GRAMD4: variants seen among roughly 807,000 people sequenced by gnomAD.
The protein encoded by GRAMD4 is GRAM domain-containing protein 4.
GRAMD4 carries 25 observed loss-of-function variants against 83.9 expected under a neutral mutation model. That is an observed-to-expected ratio of 0.30 (90% CI 0.22 to 0.42). GRAMD4 has a LOEUF of 0.42. GRAMD4 is among the 10% of genes least tolerant of loss of function. The pLI, the probability that GRAMD4 is intolerant of heterozygous loss-of-function variation, is 1.00. For missense variants in GRAMD4, 593 were observed against 788.7 expected, an observed-to-expected ratio of 0.75 and a Z score of 2.97; for synonymous variants, 336 against 320.9, an observed-to-expected ratio of 1.05 and a Z score of -0.50.
chr22:46,660,749 C>A (rs1229758267), intron 4 of GRAMD4, among the ~76,000 whole-genome samples: 1 of 152,218 alleles, frequency 6.6e-6, no homozygotes, highest in African/African-American at 2.4e-5. Flanking sequence ...CTGTTCTCTT[C>A]TCAGGGTTTA....
At chr22:46,644,697 G>GTTTTTT (rs71192437) in intron 3 of GRAMD4, among the ~76,000 whole-genome samples, 1 of 97,338 alleles carries the variant, frequency 1.0e-5, no homozygotes, top group Non-Finnish European at 2.0e-5. Context: ...CTTGTTCCCT[G>GTTTTTT]TTTTTTTTTT....
intron 3 of GRAMD4, among the ~76,000 whole-genome samples, chr22:46,644,784 G>A (rs2082048687): frequency 6.9e-6 from 1 of 144,494 alleles, no homozygotes; most frequent in African/African-American, 2.6e-5. Context: ...TGAGGCCGGA[G>A]TGCAGTAGCA....
intron 1 of GRAMD4, among the ~76,000 whole-genome samples, chr22:46,582,368 T>C (rs2081106702): frequency 6.6e-6 from 1 of 151,648 alleles, no homozygotes; most frequent in African/African-American, 2.4e-5. Context: ...CGGCTCAGCC[T>C]CTCTTGGTGG....
intron 1 of GRAMD4, chr22:46,577,417 C>CCGCCGCCGCCGCCT (rs2081053279): frequency 6.7e-5 from 3 of 44,762 alleles, no homozygotes; most frequent in African/African-American, 1.0e-4. Context: ...CGCCGCCGCC[C>CCGCCGCCGCCGCCT]GGGCCCGAGC....
rs371082804 is a variant in GRAMD4 at position 46,581,594 on chromosome 22, T to C, written c.-50+4304T>C. Reference sequence around the variant, plus strand: ...TCTCTTTTTGCTGTCAAATGTGCAGTAAATAGCAAGATTCGGACAGCATGT... The same window carrying C: ...TCTCTTTTTGCTGTCAAATGTGCAGCAAATAGCAAGATTCGGACAGCATGT... On this transcript the variant is annotated intron_variant, in intron 1 of 1. Coordinates refer to the GRAMD4 transcript ENST00000431155. 3.4e-4 allele frequency among the ~76,000 whole-genome samples: 52 copies of C among 152,344 alleles called. 1 individual carries two copies. The South Asian group carries it at 8.5e-3, about 25-fold the overall frequency.
Position 46,677,304 on chromosome 22 carries a change from T to G in GRAMD4, c.*53T>G. The G allele has an allele frequency of 9.6e-7, 1 of 1,037,124 alleles. No individual in the cohort carries two copies. Among genetic ancestry groups the G allele is most frequent in the Non-Finnish European group, 1.3e-6 (1 of 772,850 alleles). The allele number at this position is 1,037,124 out of a possible 1,614,324, so 64.2% of individuals were successfully genotyped here. ...ATTTTCTTTTTCTTTTTCTTTTTCT[T>G]TTTTTTTTTTTACGATTTGGTAGTG... On this transcript the variant is annotated 3_prime_UTR_variant, in exon 19 of 19. Transcript: ENST00000406902.
downstream of GRAMD4, among the ~76,000 whole-genome samples, chr22:46,682,058 C>G (rs1272226801): frequency 6.6e-6 from 1 of 152,200 alleles, no homozygotes; most frequent in African/African-American, 2.4e-5. Context: ...GTGCAGCCAC[C>G]CAGTGCTGCT....
chr22:46,658,930 G>A (rs1359662641), intron 4 of GRAMD4, among the ~76,000 whole-genome samples: 1 of 152,032 alleles, frequency 6.6e-6, no homozygotes, highest in Non-Finnish European at 1.5e-5. Flanking sequence ...GACCCTGAGT[G>A]CTCACAGTCT....
intron 1 of GRAMD4, among the ~76,000 whole-genome samples, chr22:46,588,235 C>A (rs1377229537): frequency 6.6e-6 from 1 of 152,070 alleles, no homozygotes; most frequent in Non-Finnish European, 1.5e-5. Flanking sequence ...AGCCAGGTAA[C>A]CCCAGTGACT....
chr22:46,680,704 A>T (rs1427737222), downstream of GRAMD4, among the ~76,000 whole-genome samples: 1 of 142,460 alleles, frequency 7.0e-6, no homozygotes, highest in Non-Finnish European at 1.5e-5. Flanking sequence ...CCACCCATCC[A>T]TCCATCCATC....
intron 1 of GRAMD4, among the ~76,000 whole-genome samples, chr22:46,602,884 A>G (rs1263560722): frequency 2.7e-5 from 4 of 150,854 alleles, no homozygotes; most frequent in African/African-American, 9.7e-5. Context: ...CTGGGCCTAC[A>G]GGCACATGCC....
At chr22:46,589,110 C>T (rs1022181451) in intron 1 of GRAMD4, among the ~76,000 whole-genome samples, 1 of 152,028 alleles carries the variant, frequency 6.6e-6, no homozygotes, top group Non-Finnish European at 1.5e-5. Context: ...GGATGGGCGA[C>T]ACTCCCCAGC....
At chr22:46,616,389 T>C (rs1340554411), upstream of GRAMD4, among the ~76,000 whole-genome samples, 4 of 56,714 alleles carry the variant, frequency 7.1e-5, no homozygotes, top group Middle Eastern at 0.013. Flanking sequence ...TAGGTTCCCC[T>C]GTGCGTGTAG....
intron 1 of GRAMD4, among the ~76,000 whole-genome samples, chr22:46,603,787 A>G (rs2081339496): frequency 6.6e-6 from 1 of 151,658 alleles, no homozygotes; most frequent in East Asian, 1.9e-4. Context: ...AAGTGCTGGG[A>G]TTACAGGCGT....
At chr22:46,628,835 T>G (rs946567412) in intron 2 of GRAMD4, among the ~76,000 whole-genome samples, 21 of 152,140 alleles carry the variant, frequency 1.4e-4, no homozygotes, top group African/African-American at 5.1e-4. Context: ...GGGTGATGTC[T>G]GGGGAGTAGC....
At chr22:46,656,363 G>T (rs1011961242) in intron 3 of GRAMD4, among the ~76,000 whole-genome samples, 1 of 152,208 alleles carries the variant, frequency 6.6e-6, no homozygotes, top group African/African-American at 2.4e-5. Flanking sequence ...TGTGGCTGCC[G>T]GGCAGGAAGG....
chr22:46,619,375 C>T (rs1324620233), upstream of GRAMD4, among the ~76,000 whole-genome samples: 3 of 152,274 alleles, frequency 2.0e-5, no homozygotes, highest in East Asian at 1.9e-4. Flanking sequence ...GTCTGGCCCT[C>T]ACCCAGGCTG....
Position 46,679,738 on chromosome 22 carries a change from T to C in GRAMD4, c.*2487T>C. 4.1e-6 allele frequency: 4 copies of C among 969,814 alleles called. No homozygotes were observed. The highest frequency in any genetic ancestry group is 4.9e-6 in the Non-Finnish European group (4 of 815,560). 60.1% of individuals were successfully genotyped at this position (969,814 alleles called of 1,614,324 possible). A position where few individuals can be genotyped will look rare whatever the true frequency, so the allele number is the denominator to read the frequency against. ...TTGTTTGTTTAAAGAAAAAGTATTG[T>C]ATAAATTATAATTTTTATTTAAATA... On this transcript the variant is annotated 3_prime_UTR_variant, in exon 19 of 19. Coordinates refer to ENST00000406902, the MANE Select transcript of GRAMD4 (RefSeq NM_015124.5).
At chr22:46,601,784 A>AG (rs2081314511) in intron 1 of GRAMD4, among the ~76,000 whole-genome samples, 1 of 152,198 alleles carries the variant, frequency 6.6e-6, no homozygotes, top group South Asian at 2.1e-4. Flanking sequence ...TGACAGAGCA[A>AG]GACCTTGTCT....
Sources: allele counts gnomAD v4.1 joint callset (sites outside exome capture counted in the v4.1 genomes callset), GRCh38; gene constraint gnomAD v4.1.1; transcripts MANE v1.5; gene names NCBI Gene and HGNC (gene_info 2026-07-23, HGNC 2026-07-21).